OOEP: variants seen among roughly 807,000 people sequenced by gnomAD.
The protein encoded by OOEP is oocyte-expressed protein homolog.
OOEP carries 16 observed loss-of-function variants against 13.7 expected under a neutral mutation model. The observed-to-expected ratio is 1.16, with a 90% confidence interval of 0.79 to 1.77. OOEP has a LOEUF of 1.77. Among genes scored for constraint, OOEP ranks in the 40% most tolerant of loss-of-function variants. The pLI, the probability that OOEP is intolerant of heterozygous loss-of-function variation, is 0.00. For synonymous variants in OOEP, 89 were observed against 77.1 expected (o/e 1.15, Z -0.81); for missense variants, 195 against 193.1 (o/e 1.01, Z -0.06).
intron 2 of OOEP, among the ~76,000 whole-genome samples, chr6:73,382,139 C>G (rs1465134265): frequency 2.0e-5 from 3 of 151,856 alleles, no homozygotes; most frequent in Non-Finnish European, 4.4e-5. Context: ...CCTTAACCTC[C>G]CAGGCTCAAG....
chr6:73,394,774 G>GT (rs1244165998), exon 1 of OOEP: 1 of 1,338,906 alleles, frequency 7.5e-7, no homozygotes. Flanking sequence ...AGCGTGGGCG[G>GT]GGGGGCTAGC....
chr6:73,381,223 A>G lies in OOEP; in HGVS notation c.26-11838T>C, dbSNP rs910792421. 2.2e-5 allele frequency among the ~76,000 whole-genome samples: 3 copies of G among 135,088 alleles called. 1 individual carries two copies. Among genetic ancestry groups the G allele is most frequent in the East Asian group, 2.2e-4 (1 of 4,614 alleles). The allele number at this position is 135,088 out of a possible 152,430, so 88.6% of individuals were successfully genotyped here. A position where few individuals can be genotyped will look rare whatever the true frequency, so the allele number is the denominator to read the frequency against. On this transcript the variant is annotated intron_variant, in intron 2 of 3. Transcript: ENST00000370363. ...AAAGTGTTAAAAAAAAAAAAAAAAA[A>G]AAAAAGAAGAAGAAAAAGAAGAAGA...
At chr6:73,376,965 C>A (rs1769147556) in intron 2 of OOEP, among the ~76,000 whole-genome samples, 1 of 152,074 alleles carries the variant, frequency 6.6e-6, no homozygotes, top group Non-Finnish European at 1.5e-5. Flanking sequence ...GATTTTATTT[C>A]TCTCTTCCTC....
chr6:73,377,281 C>T (rs963788939), intron 2 of OOEP, among the ~76,000 whole-genome samples: 1 of 152,144 alleles, frequency 6.6e-6, no homozygotes, highest in African/African-American at 2.4e-5. Context: ...GGAGCCAAAA[C>T]CTCAAGACCC....
intron 2 of OOEP, among the ~76,000 whole-genome samples, chr6:73,387,277 G>C (rs1269328743): frequency 1.3e-5 from 2 of 152,078 alleles, no homozygotes; most frequent in Non-Finnish European, 2.9e-5. Context: ...GGGAGGCCGA[G>C]GTGGGTGGAT....
upstream of OOEP, among the ~76,000 whole-genome samples, chr6:73,371,762 A>AAT (rs1554232683): frequency 2.1e-5 from 3 of 139,782 alleles, no homozygotes; most frequent in Admixed American, 7.2e-5. Flanking sequence ...AAAATAAAAA[A>AAT]AAATAAAAAT....
exon 1 of OOEP, chr6:73,395,050 G>C (rs1251045408): frequency 6.2e-7 from 1 of 1,614,234 alleles, no homozygotes; most frequent in East Asian, 2.2e-5. Flanking sequence ...CGGCAGAGGT[G>C]GTCGCTGGAG....
intron 2 of OOEP, among the ~76,000 whole-genome samples, chr6:73,387,000 AAAAG>A (rs1252527762): frequency 2.7e-5 from 4 of 149,384 alleles, no homozygotes; most frequent in Non-Finnish European, 4.4e-5. Context: ...AAAAAAAAAA[AAAAG>A]AACAGCAGAG....
At chr6:73,374,567 T>C (rs938698190), upstream of OOEP, among the ~76,000 whole-genome samples, 3 of 152,208 alleles carry the variant, frequency 2.0e-5, no homozygotes, top group African/African-American at 7.2e-5. Flanking sequence ...TATATTTGCC[T>C]GTGTGATCAT....
intron 1 of OOEP, 76 bp downstream of exon 1, chr6:73,369,527 A>G (rs1217810369): frequency 6.5e-7 from 1 of 1,530,402 alleles, no homozygotes; most frequent in South Asian, 1.2e-5. Context: ...TGGGAAAGAG[A>G]CTGTAGAGAG....
chr6:73,372,473 G>C (rs1769071496), upstream of OOEP, among the ~76,000 whole-genome samples: 1 of 152,180 alleles, frequency 6.6e-6, no homozygotes, highest in Non-Finnish European at 1.5e-5. Context: ...TCTCCCCTGA[G>C]GAAAGAACCT....
At chr6:73,382,278 C>T (rs1297563634) in intron 2 of OOEP, among the ~76,000 whole-genome samples, 2 of 131,714 alleles carry the variant, frequency 1.5e-5, no homozygotes, top group South Asian at 2.5e-4. Context: ...AGTGTAGTGG[C>T]GTGATCTCAG....
chr6:73,369,198 A>T lies in OOEP; in HGVS notation c.370+8T>A. ...TTCCTCCACATGCAGGTTCTCAAAG[A>T]CCCTCACCTCGGGCACGATGTTCTC... On this transcript the variant is annotated splice_region_variant and intron_variant, in intron 2 of 2. Coordinates refer to ENST00000370359, the MANE Select transcript of OOEP (RefSeq NM_001080507.3). The T allele has an allele frequency of 2.5e-6, 4 of 1,603,832 alleles. No homozygotes were observed. The highest frequency in any genetic ancestry group is 3.4e-6 in the Non-Finnish European group (4 of 1,175,844).
chr6:73,385,219 T>C (rs1026833614), intron 2 of OOEP, among the ~76,000 whole-genome samples: 37 of 151,522 alleles, frequency 2.4e-4, no homozygotes, highest in African/African-American at 7.0e-4. Flanking sequence ...TGGTGGCGGG[T>C]GCCTGTAGTC....
intron 2 of OOEP, chr6:73,394,264 A>C: frequency 1.4e-6 from 1 of 704,430 alleles, no homozygotes; most frequent in Non-Finnish European, 2.6e-6. Context: ...CAGCTTACAT[A>C]GCGAGGATAA....
chr6:73,376,401 T>C (rs1270072544), intron 2 of OOEP, among the ~76,000 whole-genome samples: 1 of 142,254 alleles, frequency 7.0e-6, no homozygotes, highest in Non-Finnish European at 1.5e-5. Context: ...CTATCTCAAT[T>C]AAGGACCCTG....
intron 2 of OOEP, among the ~76,000 whole-genome samples, chr6:73,380,521 A>G (rs1769192009): frequency 6.6e-6 from 1 of 152,214 alleles, no homozygotes; most frequent in Admixed American, 6.6e-5. Flanking sequence ...GTTATATACC[A>G]TTGAAAATTA....
At chr6:73,377,081 C>G (rs976725642) in intron 2 of OOEP, among the ~76,000 whole-genome samples, 7 of 152,186 alleles carry the variant, frequency 4.6e-5, no homozygotes, top group African/African-American at 1.7e-4. Flanking sequence ...CATTTTCTTT[C>G]ATTGTGCCAT....
Position 73,368,744 on chromosome 6 carries a change from G to A in OOEP, c.*40C>T, listed in dbSNP as rs535108284. The A allele has an allele frequency of 1.1e-5, 15 of 1,389,992 alleles. No homozygotes were observed. In the East Asian group the frequency reaches 1.4e-4, roughly 13 times the overall value. The allele number at this position is 1,389,992 out of a possible 1,614,324, so 86.1% of individuals were successfully genotyped here. A position where few individuals can be genotyped will look rare whatever the true frequency, so the allele number is the denominator to read the frequency against. ...CTTTTCTTCAACTTTAGCAGCAAAAGTTAGAAAGTTAAGATGTTCCCAACA... is the reference window on the plus strand; with the variant it reads ...CTTTTCTTCAACTTTAGCAGCAAAAATTAGAAAGTTAAGATGTTCCCAACA... On this transcript the variant is annotated 3_prime_UTR_variant, in exon 3 of 3. Transcript: ENST00000370359.
Sources: gnomAD v4.1 joint callset for allele counts (sites outside exome capture counted in the v4.1 genomes callset) on GRCh38, gnomAD v4.1.1 for gene constraint, MANE v1.5 for transcripts, NCBI Gene and HGNC (gene_info 2026-07-23, HGNC 2026-07-21) for gene names.